ZFR2: variants seen among roughly 807,000 people sequenced by gnomAD.
ZFR2 encodes the protein zinc finger RNA-binding protein 2.
A neutral mutation model predicts 105.7 loss-of-function variants in ZFR2; 104 were observed. The observed-to-expected ratio is 0.98, with a 90% confidence interval of 0.84 to 1.16. The LOEUF (loss-of-function observed/expected upper bound fraction) is 1.16, where lower values mean the gene tolerates loss of function less well. Among genes scored for constraint, ZFR2 ranks in the 50% most tolerant of loss-of-function variants. The pLI, the probability that ZFR2 is intolerant of heterozygous loss-of-function variation, is 0.00. For synonymous variants in ZFR2, 634 were observed against 597.7 expected (o/e 1.06, Z -0.89); for missense variants, 1,425 against 1,355.5 (o/e 1.05, Z -0.80).
intron 1 of ZFR2, among the ~76,000 whole-genome samples, chr19:3,861,569 TAA>T (rs1323732922): frequency 6.6e-6 from 1 of 151,970 alleles, no homozygotes; most frequent in African/African-American, 2.4e-5. Context: ...GAGGCTGCAT[TAA>T]GTTATGACCA....
At chr19:3,831,585 G>A (rs779536117) in intron 4 of ZFR2, 29 bp from the exon 5 acceptor site, 1 of 1,543,056 alleles carries the variant, frequency 6.5e-7, no homozygotes, top group Non-Finnish European at 8.8e-7. Flanking sequence ...AATGAGTCGG[G>A]GGGAGATGCT....
intron 1 of ZFR2, among the ~76,000 whole-genome samples, chr19:3,857,524 G>T (rs1436590790): frequency 2.9e-5 from 3 of 104,938 alleles, no homozygotes; most frequent in Non-Finnish European, 5.6e-5. Flanking sequence ...GGCCAACATG[G>T]TGTATACAAA....
chr19:3,819,659 G>T (rs1173893228), intron 11 of ZFR2, among the ~76,000 whole-genome samples: 3 of 152,242 alleles, frequency 2.0e-5, no homozygotes, highest in Admixed American at 1.3e-4. Context: ...TTCCAGGCCA[G>T]CCTGGCCAAC....
intron 6 of ZFR2, 32 bp from the exon 7 acceptor site, chr19:3,825,439 G>A: frequency 6.5e-7 from 1 of 1,541,368 alleles, no homozygotes; most frequent in East Asian, 2.5e-5. Context: ...TCCCGCGTGA[G>A]GGCCGCTCCC....
intron 16 of ZFR2, among the ~76,000 whole-genome samples, chr19:3,809,977 G>T (rs1011605721): frequency 3.3e-5 from 5 of 151,962 alleles, no homozygotes; most frequent in Non-Finnish European, 7.4e-5. Context: ...GTAAAAAAGA[G>T]ACTTAATCTC....
At position 3,817,606 on chromosome 19, in the gene ZFR2, A is replaced by AATT. The variant is rs201700615; in HGVS notation, c.1932-764_1932-762dup. Among the ~76,000 whole-genome samples, 4 of 105,180 alleles carry AATT rather than the reference A, an allele frequency of 3.8e-5. No homozygotes were observed. In the East Asian group the frequency reaches 1.0e-3, roughly 28 times the overall value. The allele number at this position is 105,180 out of a possible 152,430, so 69.0% of individuals were successfully genotyped here. A position where few individuals can be genotyped will look rare whatever the true frequency, so the allele number is the denominator to read the frequency against. ...TAATAATAATAATAATAATAATAATAATTAGCTGGGTGTGGTGGTACATTC... is the reference window on the plus strand; with the variant it reads ...TAATAATAATAATAATAATAATAATAATTATTAGCTGGGTGTGGTGGTACATTC... On this transcript the variant is annotated intron_variant, in intron 12 of 18. Transcript: ENST00000262961.
chr19:3,813,321 A>C lies in ZFR2; in HGVS notation c.2242+499T>G, dbSNP rs75615337. Among the ~76,000 whole-genome samples the C allele has an allele frequency of 0.12, 18,408 of 152,126 alleles. 1,561 individuals are homozygous for C. Among genetic ancestry groups the C allele is most frequent in the Non-Finnish European group, 0.19 (12,991 of 67,970 alleles). The stretch of plus-strand genomic sequence containing the variant: ...GCTGGCCAAGACCCTCGCTGCCCCT[A>C]GCCTGGCCCGGCCCCTCACCCACCC... On this transcript the variant is annotated intron_variant, in intron 14 of 18. Transcript: ENST00000262961. The surrounding 1 kb of genome is among the most constrained non-coding windows in gnomAD (Gnocchi z 4.4).
At position 3,825,336 on chromosome 19, in the gene ZFR2, G is replaced by T; in HGVS notation, c.1107C>A (p.Pro369=). ...TLEPALATES[P]PGAEAKPTSP... is the part of the protein sequence containing the mutation. The stretch of plus-strand genomic sequence containing the variant: ...ACGTGGGCTTGGCCTCTGCCCCGGG[G>T]GGGCTCTCTGTGGCCAGTGCAGGCT... The change falls in exon 7 of 19, where the codon CCC becomes CCA. Residue 369 remains proline, a synonymous_variant. Coordinates refer to ENST00000262961, the MANE Select transcript of ZFR2 (RefSeq NM_015174.2). 1.3e-6 allele frequency: 2 copies of T among 1,589,214 alleles called. No individual in the cohort carries two copies. Among genetic ancestry groups the T allele is most frequent in the East Asian group, 2.3e-5 (1 of 43,908 alleles).
At chr19:3,863,598 T>C (rs1032912509) in intron 1 of ZFR2, among the ~76,000 whole-genome samples, 3 of 152,092 alleles carry the variant, frequency 2.0e-5, no homozygotes, top group African/African-American at 7.2e-5. Context: ...TGGCCATGTG[T>C]TTTTTAATGT....
chr19:3,856,762 G>A (rs1231531950), intron 1 of ZFR2, among the ~76,000 whole-genome samples: 4 of 152,072 alleles, frequency 2.6e-5, no homozygotes, highest in Admixed American at 2.6e-4. Flanking sequence ...ACGGAGTCTT[G>A]CTCTGTCGCC....
chr19:3,840,236 CTTGTT>C (rs2038121600), intron 1 of ZFR2, among the ~76,000 whole-genome samples: 1 of 151,054 alleles, frequency 6.6e-6, no homozygotes, highest in Non-Finnish European at 1.5e-5. Context: ...TTTTTGTTTG[CTTGTT>C]TTACTTTTTT....
rs144784044 is a variant in ZFR2 at position 3,849,745 on chromosome 19, G to A, written c.54-14762C>T. Among the ~76,000 whole-genome samples, 89 of 152,366 alleles carry A rather than the reference G, an allele frequency of 5.8e-4. No homozygotes were observed. In the Middle Eastern group the frequency reaches 0.01, roughly 17 times the overall value. ...GGCTTGAGTCAGCACCATGAAGACAGTGAATGAAAAAGAACACGCTCTTCT... is the reference window on the plus strand; with the variant it reads ...GGCTTGAGTCAGCACCATGAAGACAATGAATGAAAAAGAACACGCTCTTCT... On this transcript the variant is annotated intron_variant, in intron 1 of 18. Transcript: ENST00000262961.
At chr19:3,812,682 C>T (rs1417477077) in intron 14 of ZFR2, among the ~76,000 whole-genome samples, 1 of 152,178 alleles carries the variant, frequency 6.6e-6, no homozygotes, top group East Asian at 1.9e-4. Flanking sequence ...CTTCCCCACA[C>T]TGTACTTAGT....
At chr19:3,814,104 C>G in intron 13 of ZFR2, 146 bp from the exon 14 acceptor site, 1 of 1,230,072 alleles carries the variant, frequency 8.1e-7, no homozygotes, top group East Asian at 2.5e-5. Context: ...TGCCCTGTGT[C>G]TGGAACCTCC....
chr19:3,863,328 G>C (rs183912713), intron 1 of ZFR2, among the ~76,000 whole-genome samples: 1 of 152,216 alleles, frequency 6.6e-6, no homozygotes, highest in Non-Finnish European at 1.5e-5. Flanking sequence ...CCTGTTGCCC[G>C]GGAGACATTT....
intron 1 of ZFR2, chr19:3,852,729 A>T (rs1225998744): frequency 1.7e-5 from 11 of 638,610 alleles, no homozygotes; most frequent in Non-Finnish European, 2.0e-5. Flanking sequence ...AGCCAGCAAA[A>T]ACACAGCTCC....
chr19:3,822,116 G>A lies in ZFR2; in HGVS notation c.1456C>T (p.His486Tyr), dbSNP rs1382851219. 6.2e-7 allele frequency: 1 copy of A among 1,609,868 alleles called. No individual in the cohort carries two copies. Among genetic ancestry groups the A allele is most frequent in the Non-Finnish European group, 8.5e-7 (1 of 1,178,446 alleles). ...AGCCGGTGCCGCCGCCCCCTCACGT[G>A]CAGGTCCTTCGCGTTAAGGTCGTTG... The part of the protein sequence containing the change: ...SFNDLNAKDL[H>Y]VRGRRHRLQY... The change falls in exon 9 of 19, where the codon CAC becomes TAC. Residue 486 changes from histidine (H) to tyrosine (Y), a missense_variant. Physicochemically the swap from His to Tyr is moderately conservative, Grantham distance 83. Transcript: ENST00000262961.
chr19:3,864,577 G>A (rs1025820126), intron 1 of ZFR2, among the ~76,000 whole-genome samples: 6 of 152,184 alleles, frequency 3.9e-5, no homozygotes, highest in Admixed American at 1.3e-4. Flanking sequence ...CTGGCCTGTC[G>A]CTTCCCACTA....
chr19:3,824,486 T>C (rs1212023304), intron 7 of ZFR2, among the ~76,000 whole-genome samples: 1 of 152,164 alleles, frequency 6.6e-6, no homozygotes, highest in East Asian at 1.9e-4. Flanking sequence ...TCCACCTTCA[T>C]TTCCTGGTAC....
Sources: gnomAD v4.1 joint callset for allele counts (sites outside exome capture counted in the v4.1 genomes callset) on GRCh38, gnomAD v4.1.1 for gene constraint, Gnocchi (gnomAD v3.1) non-coding constraint, MANE v1.5 for transcripts, NCBI Gene and HGNC (gene_info 2026-07-23, HGNC 2026-07-21) for gene names.